Variants in IKZF1 observed in about 807,000 individuals in gnomAD.
The protein encoded by IKZF1 is DNA-binding protein Ikaros.
In IKZF1, 10 loss-of-function variants were observed where a neutral mutation model predicts 51.7. That is an observed-to-expected ratio of 0.19 (90% confidence interval 0.12 to 0.33). The LOEUF is 0.33. Among genes scored for constraint, IKZF1 ranks in the 10% least tolerant of loss-of-function variants. The probability of loss-of-function intolerance (pLI) is 1.00; values close to 1 mark genes in which losing one functional copy is unlikely to be tolerated. For missense variants in IKZF1, 484 were observed against 707.5 expected (o/e 0.68, Z 3.58); for synonymous variants, 280 against 282.3 (o/e 0.99, Z 0.08).
chr7:50,357,874 T>C (rs1278765090), intron 3 of IKZF1, among the ~76,000 whole-genome samples: 2 of 152,232 alleles, frequency 1.3e-5, no homozygotes, highest in Non-Finnish European at 2.9e-5. Flanking sequence ...TCTTTTCTAC[T>C]GTCTTACCTG....
intron 3 of IKZF1, among the ~76,000 whole-genome samples, chr7:50,375,975 T>C (rs888497924): frequency 1.3e-5 from 2 of 152,230 alleles, no homozygotes; most frequent in African/African-American, 2.4e-5. Flanking sequence ...TGAGCATTTT[T>C]ATGTTTACTG....
chr7:50,364,701 C>G (rs1395401892), intron 3 of IKZF1, among the ~76,000 whole-genome samples: 1 of 152,326 alleles, frequency 6.6e-6, no homozygotes, highest in Middle Eastern at 3.4e-3. Context: ...TGCAGCTTGC[C>G]AGAAGCAATG....
intron 3 of IKZF1, among the ~76,000 whole-genome samples, chr7:50,367,331 T>C (rs1173383524): frequency 6.6e-6 from 1 of 152,212 alleles, no homozygotes; most frequent in Non-Finnish European, 1.5e-5. Flanking sequence ...TGTGTGTGTG[T>C]GTACACATGT....
chr7:50,384,154 C>T (rs898510503), intron 5 of IKZF1, among the ~76,000 whole-genome samples: 2 of 152,184 alleles, frequency 1.3e-5, no homozygotes, highest in Non-Finnish European at 2.9e-5. Context: ...CTGAGGTTTG[C>T]TTTAGAGACA....
At chr7:50,307,551 A>G (rs1368039657) in intron 1 of IKZF1, among the ~76,000 whole-genome samples, 1 of 152,228 alleles carries the variant, frequency 6.6e-6, no homozygotes, top group Non-Finnish European at 1.5e-5. Flanking sequence ...CTCTATGTTC[A>G]TAACTACAGA....
intron 7 of IKZF1, among the ~76,000 whole-genome samples, chr7:50,396,547 C>T (rs1816760311): frequency 6.6e-6 from 1 of 152,154 alleles, no homozygotes; most frequent in African/African-American, 2.4e-5. Flanking sequence ...AGGAGGGACT[C>T]TATGGTCTGT....
At position 50,400,780 on chromosome 7, in the gene IKZF1, G is replaced by A; in HGVS notation, c.*153G>A. 1.0e-6 allele frequency: 1 copy of A among 977,926 alleles called. No individual in the cohort carries two copies. The highest frequency in any genetic ancestry group is 1.5e-6 in the Non-Finnish European group (1 of 677,376). 60.6% of individuals were successfully genotyped at this position (977,926 alleles called of 1,614,324 possible). On this transcript the variant is annotated 3_prime_UTR_variant, in exon 8 of 8. Coordinates refer to ENST00000331340, the MANE Select transcript of IKZF1 (RefSeq NM_006060.6). This position sits in a 1 kb window ranked among gnomAD's most constrained non-coding sequence, Gnocchi z 5.4. ...TGTTTTTTGTTTTTTGTTTGAGTTG[G>A]TTGATTGGGGTTTGATTTGCTTTTG...
intron 4 of IKZF1, among the ~76,000 whole-genome samples, chr7:50,381,390 A>C (rs985904665): frequency 6.6e-6 from 1 of 152,254 alleles, no homozygotes; most frequent in Non-Finnish European, 1.5e-5. Context: ...TTCTAAATAA[A>C]GCATTTGTTT....
chr7:50,312,429 T>C (rs1323951802), intron 1 of IKZF1, among the ~76,000 whole-genome samples: 2 of 152,234 alleles, frequency 1.3e-5, no homozygotes, highest in Non-Finnish European at 2.9e-5. Flanking sequence ...CAGACAGTCA[T>C]GGCCAGCTTG....
chr7:50,310,058 A>T (rs1041434345), intron 1 of IKZF1, among the ~76,000 whole-genome samples: 3 of 152,242 alleles, frequency 2.0e-5, no homozygotes, highest in African/African-American at 7.2e-5. Context: ...CTGCAAAAAC[A>T]TATTGATAAA....
At chr7:50,387,506 TC>T in intron 6 of IKZF1, 36 bp downstream of exon 6, 1 of 1,586,522 alleles carries the variant, frequency 6.3e-7, no homozygotes, top group Non-Finnish European at 8.6e-7. Flanking sequence ...CCTGGTGGGC[TC>T]TCCCCCCAGC....
chr7:50,375,243 A>G (rs1425974560), intron 3 of IKZF1, among the ~76,000 whole-genome samples: 1 of 152,214 alleles, frequency 6.6e-6, no homozygotes, highest in African/African-American at 2.4e-5. Context: ...CAACATGACA[A>G]GACCCATCTC....
chr7:50,402,652 C>T lies in IKZF1; in HGVS notation c.*2025C>T, dbSNP rs1042700862. ...TGTTCATGTGGAGTCATTATAAATT[C>T]TATAAATCAATTATTCCCCTTCGGT... On this transcript the variant is annotated 3_prime_UTR_variant, in exon 8 of 8. Coordinates refer to ENST00000331340, the MANE Select transcript of IKZF1 (RefSeq NM_006060.6). 2 of 230,824 alleles carry T rather than the reference C, an allele frequency of 8.7e-6. No homozygotes were observed. The highest frequency in any genetic ancestry group is 1.7e-5 in the Non-Finnish European group (2 of 116,646). The allele number at this position is 230,824 out of a possible 1,614,324, so 14.3% of individuals were successfully genotyped here.
chr7:50,383,234 C>T (rs1357473860), intron 5 of IKZF1, among the ~76,000 whole-genome samples: 1 of 152,166 alleles, frequency 6.6e-6, no homozygotes, highest in Non-Finnish European at 1.5e-5. Context: ...GCCAAGGCCA[C>T]AGTTACAGAG....
At chr7:50,358,594 C>T (rs139414295) in intron 3 of IKZF1, among the ~76,000 whole-genome samples, 2,181 of 152,344 alleles carry the variant, frequency 0.014, 23 homozygotes, top group Non-Finnish European at 0.024. Flanking sequence ...TCCAGAGCTA[C>T]TCAGAGGCAG....
chr7:50,338,862 A>G (rs1430928077), intron 3 of IKZF1, among the ~76,000 whole-genome samples: 1 of 152,230 alleles, frequency 6.6e-6, no homozygotes, highest in African/African-American at 2.4e-5. Flanking sequence ...TACATTTCAC[A>G]AATTACCGCA....
chr7:50,336,229 A>T (rs1405751720), intron 3 of IKZF1, among the ~76,000 whole-genome samples: 1 of 150,778 alleles, frequency 6.6e-6, no homozygotes, highest in Non-Finnish European at 1.5e-5. Flanking sequence ...GCACTGGGGG[A>T]GGAGGAGCCC....
Position 50,376,386 on chromosome 7 carries a change from C to A in IKZF1, c.161-147C>A, listed in dbSNP as rs2153467097. On this transcript the variant is annotated intron_variant, in intron 3 of 7. Transcript: ENST00000331340. The surrounding 1 kb of genome is among the most constrained non-coding windows in gnomAD (Gnocchi z 4.5). ...CACTCAAGGCTGAATGCACGGCGAG[C>A]TCAGGCTGCTCTCCCCTTGGTATTT... is the stretch of plus-strand genomic sequence containing the variant. 7.4e-7 allele frequency: 1 copy of A among 1,349,828 alleles called. No individual in the cohort carries two copies. Among genetic ancestry groups the A allele is most frequent in the Non-Finnish European group, 1.0e-6 (1 of 997,238 alleles). 83.6% of individuals were successfully genotyped at this position (1,349,828 alleles called of 1,614,324 possible). A position where few individuals can be genotyped will look rare whatever the true frequency, so the allele number is the denominator to read the frequency against.
At chr7:50,341,180 G>C (rs1163115870) in intron 3 of IKZF1, among the ~76,000 whole-genome samples, 1 of 131,630 alleles carries the variant, frequency 7.6e-6, no homozygotes, top group Non-Finnish European at 1.5e-5. Flanking sequence ...GTTTCACTCT[G>C]CAGCCCAGGC....
Sources: allele counts gnomAD v4.1 joint callset (sites outside exome capture counted in the v4.1 genomes callset), GRCh38; gene constraint gnomAD v4.1.1; non-coding constraint Gnocchi (gnomAD v3.1); transcripts MANE v1.5; gene names NCBI Gene and HGNC (gene_info 2026-07-23, HGNC 2026-07-21).